TMCO4: variants seen among roughly 807,000 people sequenced by gnomAD.
TMCO4 encodes the protein transmembrane and coiled-coil domains 4, also known as transmembrane and coiled-coil domain-containing protein 4.
Under a neutral mutation model 64.7 loss-of-function variants are expected in TMCO4, and 58 were observed. The observed-to-expected ratio is 0.90, with a 90% CI of 0.73 to 1.12. The LOEUF is 1.12. Among genes scored for constraint, TMCO4 ranks in the 50% most tolerant of loss-of-function variants. TMCO4 has a pLI of 0.00. For missense variants in TMCO4, 780 were observed against 825.9 expected, an observed-to-expected ratio of 0.94 and a Z score of 0.68; for synonymous variants, 325 against 346.1, an observed-to-expected ratio of 0.94 and a Z score of 0.68.
chr1:19,754,475 C>T (rs933081895), intron 7 of TMCO4, among the ~76,000 whole-genome samples: 15 of 152,092 alleles, frequency 9.9e-5, no homozygotes, highest in African/African-American at 2.7e-4. Context: ...CTCCACTAAC[C>T]GTGGCATGAG....
At chr1:19,796,053 G>T (rs1435684164) in intron 2 of TMCO4, among the ~76,000 whole-genome samples, 1 of 152,170 alleles carries the variant, frequency 6.6e-6, no homozygotes, top group Non-Finnish European at 1.5e-5. Flanking sequence ...TGTCCAAATA[G>T]TGCCCTTTCC....
chr1:19,706,477 T>C (rs945141297), intron 13 of TMCO4, among the ~76,000 whole-genome samples: 6 of 152,218 alleles, frequency 3.9e-5, no homozygotes, highest in Admixed American at 3.9e-4. Context: ...GAGAGCCCTA[T>C]ATAGCTTTAG....
chr1:19,760,778 G>A (rs1229592695), intron 6 of TMCO4, among the ~76,000 whole-genome samples: 3 of 152,226 alleles, frequency 2.0e-5, no homozygotes, highest in Non-Finnish European at 2.9e-5. Context: ...AATCCACTGT[G>A]CATCCCTAGT....
chr1:19,744,881 G>A (rs749993414), intron 10 of TMCO4, among the ~76,000 whole-genome samples: 21 of 152,202 alleles, frequency 1.4e-4, no homozygotes, highest in Non-Finnish European at 2.5e-4. Context: ...TTCTGTGGGA[G>A]TAGAGGCCAT....
At chr1:19,693,708 G>A (rs2095215524) in intron 15 of TMCO4, among the ~76,000 whole-genome samples, 1 of 152,142 alleles carries the variant, frequency 6.6e-6, no homozygotes, top group South Asian at 2.1e-4. Context: ...CCTGGGCTCT[G>A]CATTTTAAAG....
At chr1:19,692,342 A>G (rs1420790673) in intron 15 of TMCO4, among the ~76,000 whole-genome samples, 2 of 152,094 alleles carry the variant, frequency 1.3e-5, no homozygotes, top group African/African-American at 4.8e-5. Flanking sequence ...CCTGGGTTTG[A>G]GTCCTGCTTT....
At chr1:19,774,489 G>T (rs897784901) in intron 4 of TMCO4, among the ~76,000 whole-genome samples, 2 of 152,162 alleles carry the variant, frequency 1.3e-5, no homozygotes, top group Admixed American at 6.5e-5. Flanking sequence ...CATGTGCTTA[G>T]AACAATACCT....
chr1:19,728,073 A>T (rs554085950), intron 13 of TMCO4, among the ~76,000 whole-genome samples: 1 of 152,328 alleles, frequency 6.6e-6, no homozygotes, highest in South Asian at 2.1e-4. Context: ...GGATGAGAGG[A>T]GGGAAAGGAT....
chr1:19,770,546 C>T lies in TMCO4; in HGVS notation c.378G>A (p.Lys126=). 2 of 1,613,860 alleles carry T rather than the reference C, an allele frequency of 1.2e-6. No homozygotes were observed. Among genetic ancestry groups the T allele is most frequent in the Non-Finnish European group, 1.7e-6 (2 of 1,179,876 alleles). The change falls in exon 6 of 16, where the codon AAG becomes AAA. Residue 126 remains lysine (K), a synonymous_variant. Coordinates refer to ENST00000294543, the MANE Select transcript of TMCO4 (RefSeq NM_181719.7). ...ITQDLLSFSL[K]DGHYDARARV... The stretch of plus-strand genomic sequence containing the variant: ...GAGCTTAGAAAATCAACTTACCATC[C>T]TTGAGTGAGAAGCTCAGAAGGTCCT...
At chr1:19,739,168 T>C (rs554220961) in intron 12 of TMCO4, among the ~76,000 whole-genome samples, 1 of 152,258 alleles carries the variant, frequency 6.6e-6, no homozygotes, top group Non-Finnish European at 1.5e-5. Flanking sequence ...CAGTCATTTC[T>C]GGTACTGCTT....
intron 13 of TMCO4, among the ~76,000 whole-genome samples, chr1:19,716,165 T>TA (rs148511891): frequency 1.4e-5 from 2 of 144,904 alleles, no homozygotes; most frequent in Admixed American, 6.9e-5. Flanking sequence ...TTATTTTTAT[T>TA]TTATTATTAT....
chr1:19,783,375 A>T (rs2043581973), intron 3 of TMCO4, among the ~76,000 whole-genome samples: 1 of 152,234 alleles, frequency 6.6e-6, no homozygotes, highest in Admixed American at 6.5e-5. Flanking sequence ...GGAGTCTTCT[A>T]GTCTAATAAC....
chr1:19,714,752 G>A (rs552532938), intron 13 of TMCO4, among the ~76,000 whole-genome samples: 7 of 152,058 alleles, frequency 4.6e-5, no homozygotes, highest in East Asian at 1.9e-4. Flanking sequence ...GTGAAACCCC[G>A]TCTCTATTAA....
At chr1:19,707,395 G>A (rs1254462114) in intron 13 of TMCO4, among the ~76,000 whole-genome samples, 1 of 152,226 alleles carries the variant, frequency 6.6e-6, no homozygotes, top group Non-Finnish European at 1.5e-5. Context: ...GGCCAAGGTC[G>A]GTGGATTGCT....
chr1:19,744,659 G>C (rs995195610), intron 10 of TMCO4, among the ~76,000 whole-genome samples: 1 of 152,064 alleles, frequency 6.6e-6, no homozygotes, highest in African/African-American at 2.4e-5. Flanking sequence ...TGCTCTTTTG[G>C]TTCTTTCAAA....
chr1:19,763,480 G>A (rs568613425), intron 6 of TMCO4, among the ~76,000 whole-genome samples: 4 of 152,200 alleles, frequency 2.6e-5, no homozygotes, highest in Non-Finnish European at 4.4e-5. Context: ...ATACAGGGTG[G>A]CTGATATTAC....
intron 13 of TMCO4, 75 bp downstream of exon 13, chr1:19,737,297 C>T (rs1278553437): frequency 1.4e-6 from 2 of 1,460,688 alleles, no homozygotes; most frequent in Non-Finnish European, 1.9e-6. Context: ...AGGCTCATGG[C>T]CCCTGGCCCA....
At chr1:19,769,596 C>T (rs777536092) in intron 6 of TMCO4, among the ~76,000 whole-genome samples, 2 of 152,172 alleles carry the variant, frequency 1.3e-5, no homozygotes, top group Admixed American at 6.5e-5. Flanking sequence ...TGTTTCCTCC[C>T]TGCTTGCCAT....
At chr1:19,720,678 A>G (rs1337035098) in intron 13 of TMCO4, among the ~76,000 whole-genome samples, 1 of 152,206 alleles carries the variant, frequency 6.6e-6, no homozygotes, top group Non-Finnish European at 1.5e-5. Context: ...ACGAGTTAAC[A>G]AAAGATCGAA....
Sources: gnomAD v4.1 joint callset for allele counts (sites outside exome capture counted in the v4.1 genomes callset) on GRCh38, gnomAD v4.1.1 for gene constraint, MANE v1.5 for transcripts, NCBI Gene and HGNC (gene_info 2026-07-23, HGNC 2026-07-21) for gene names.